Variants in COL5A2 observed in about 807,000 individuals in gnomAD.
The protein encoded by COL5A2 is collagen type V alpha 2 chain, also known as collagen alpha-2(V) chain.
A neutral mutation model predicts 208.2 loss-of-function variants in COL5A2; 23 were observed. The ratio of observed to expected loss-of-function variants is 0.11; its 90% confidence interval spans 0.08 to 0.16. COL5A2 has a LOEUF of 0.16. COL5A2 is among the 10% of genes least tolerant of loss of function. The probability of loss-of-function intolerance (pLI) is 1.00; values close to 1 mark genes in which losing one functional copy is unlikely to be tolerated. For synonymous variants in COL5A2, 625 were observed against 628.5 expected, an observed-to-expected ratio of 0.99 and a Z score of 0.08; for missense variants, 1,590 against 1,956.4, an observed-to-expected ratio of 0.81 and a Z score of 3.53.
At chr2:189,419,249 C>T in the COL5A2 span, among the ~76,000 whole-genome samples, 10 of 152,146 alleles carry the variant, frequency 6.6e-5, no homozygotes, top group Non-Finnish European at 1.0e-4. Flanking sequence ...TCCTAGTCTA[C>T]CAATGTACAA....
At chr2:189,403,311 T>A in the COL5A2 span, among the ~76,000 whole-genome samples, 1 of 152,334 alleles carries the variant, frequency 6.6e-6, no homozygotes, top group Non-Finnish European at 1.5e-5. Context: ...AGCTTTTGGG[T>A]TGAGACGTGG....
chr2:189,422,281 T>C, the COL5A2 span, among the ~76,000 whole-genome samples: 9 of 151,862 alleles, frequency 5.9e-5, no homozygotes, highest in African/African-American at 1.9e-4. Context: ...GAGAGATAAT[T>C]CAAAGAAATT....
At chr2:189,216,123 T>C (rs998015868) in intron 1 of COL5A2, among the ~76,000 whole-genome samples, 1 of 152,184 alleles carries the variant, frequency 6.6e-6, no homozygotes, top group Non-Finnish European at 1.5e-5. Context: ...AACACTTCTT[T>C]GGTCACATTT....
chr2:189,252,321 A>G, the COL5A2 span, among the ~76,000 whole-genome samples: 1 of 152,216 alleles, frequency 6.6e-6, no homozygotes, highest in Non-Finnish European at 1.5e-5. Flanking sequence ...ACGTATGTTT[A>G]TTGCGGCACT....
chr2:189,116,761 GA>G (rs1687399652), intron 1 of COL5A2, among the ~76,000 whole-genome samples: 1 of 152,174 alleles, frequency 6.6e-6, no homozygotes, highest in East Asian at 1.9e-4. Context: ...TGTACCAACT[GA>G]ACAAGAGTAG....
At chr2:189,052,148 A>G in intron 41 of COL5A2, 24 bp downstream of exon 41, 2 of 1,605,576 alleles carry the variant, frequency 1.2e-6, no homozygotes, top group Non-Finnish European at 1.7e-6. Flanking sequence ...ATTATCAGTG[A>G]CTTGTCTCAC....
At chr2:189,206,061 G>A (rs1424186636) in intron 1 of COL5A2, among the ~76,000 whole-genome samples, 4 of 152,174 alleles carry the variant, frequency 2.6e-5, no homozygotes, top group African/African-American at 9.7e-5. Flanking sequence ...AACAGCCCAG[G>A]AGTAAAGGAG....
chr2:189,058,984 T>C, intron 31 of COL5A2, 91 bp from the exon 32 acceptor site: 1 of 996,610 alleles, frequency 1.0e-6, no homozygotes, highest in Non-Finnish European at 1.6e-6. Flanking sequence ...CTAGTTTCTA[T>C]TAATGTGCCA....
the COL5A2 span, among the ~76,000 whole-genome samples, chr2:189,245,374 G>T: frequency 2.6e-5 from 4 of 151,984 alleles, no homozygotes; most frequent in Non-Finnish European, 4.4e-5. Context: ...TCTGGAAAAG[G>T]TGCTTTAAAT....
chr2:189,264,743 T>C, the COL5A2 span, among the ~76,000 whole-genome samples: 1 of 151,978 alleles, frequency 6.6e-6, no homozygotes, highest in African/African-American at 2.4e-5. Flanking sequence ...ATAGTAAAAC[T>C]GAAAAGACAA....
At chr2:189,171,866 C>CA (rs1308012635) in intron 1 of COL5A2, among the ~76,000 whole-genome samples, 4 of 152,014 alleles carry the variant, frequency 2.6e-5, no homozygotes, top group Non-Finnish European at 5.9e-5. Context: ...GTAAGAAAAG[C>CA]AAAATGCTAC....
chr2:189,059,599 T>G (rs1301235183), intron 31 of COL5A2, among the ~76,000 whole-genome samples: 1 of 108,132 alleles, frequency 9.2e-6, no homozygotes, highest in African/African-American at 3.2e-5. Flanking sequence ...TTTTTTTTTT[T>G]TTTTTTTTTT....
intron 1 of COL5A2, among the ~76,000 whole-genome samples, chr2:189,119,128 A>G (rs1687451742): frequency 6.6e-6 from 1 of 152,110 alleles, no homozygotes; most frequent in Non-Finnish European, 1.5e-5. Context: ...TGGTATGAGA[A>G]AAAGAGTTGT....
the COL5A2 span, among the ~76,000 whole-genome samples, chr2:189,373,996 A>G: frequency 1.3e-5 from 2 of 152,178 alleles, no homozygotes; most frequent in African/African-American, 4.8e-5. Context: ...GAAAACACAC[A>G]ACATGAGAAG....
the COL5A2 span, among the ~76,000 whole-genome samples, chr2:189,412,381 T>C: frequency 6.6e-6 from 1 of 152,330 alleles, no homozygotes; most frequent in Non-Finnish European, 1.5e-5. Flanking sequence ...TCCAAAGATC[T>C]TTTTGCATTT....
intron 1 of COL5A2, among the ~76,000 whole-genome samples, chr2:189,141,569 T>C (rs543561837): frequency 6.6e-6 from 1 of 152,256 alleles, no homozygotes; most frequent in African/African-American, 2.4e-5. Flanking sequence ...GATTTCCTCT[T>C]ACCAAAAAAT....
Position 189,076,118 on chromosome 2 carries a change from C to G in COL5A2, c.1060-681G>C, listed in dbSNP as rs1293409151. Among the ~76,000 whole-genome samples the G allele has an allele frequency of 2.0e-5, 3 of 152,138 alleles. No homozygotes were observed. The East Asian group carries it at 5.8e-4, about 29-fold the overall frequency. Reference sequence around the variant, plus strand: ...GCAATTGCAACACAATTCAATTTCTCCCTCTGAAAAACCCTGCTTTTATTC... The same window carrying G: ...GCAATTGCAACACAATTCAATTTCTGCCTCTGAAAAACCCTGCTTTTATTC... On this transcript the variant is annotated intron_variant, in intron 16 of 53. Transcript: ENST00000374866.
the COL5A2 span, among the ~76,000 whole-genome samples, chr2:189,397,555 T>C: frequency 6.6e-6 from 1 of 152,134 alleles, no homozygotes; most frequent in Admixed American, 6.5e-5. Flanking sequence ...ATGTCAGTTT[T>C]GTTGAGTTTT....
At chr2:189,112,554 C>T (rs189063557) in intron 1 of COL5A2, among the ~76,000 whole-genome samples, 91 of 152,242 alleles carry the variant, frequency 6.0e-4, no homozygotes, top group Admixed American at 1.7e-3. Flanking sequence ...ATTTGGCAAA[C>T]GGAAAATTGC....
Sources: allele counts gnomAD v4.1 joint callset (sites outside exome capture counted in the v4.1 genomes callset), GRCh38; gene constraint gnomAD v4.1.1; transcripts MANE v1.5; gene names NCBI Gene and HGNC (gene_info 2026-07-23, HGNC 2026-07-21).